Variants in GPHN observed in about 807,000 individuals in gnomAD.
GPHN encodes gephyrin.
In GPHN, 17 loss-of-function variants were observed where a neutral mutation model predicts 95.5. The ratio of observed to expected loss-of-function variants is 0.18; its 90% CI spans 0.12 to 0.27. The LOEUF is 0.27. Among genes scored for constraint, GPHN ranks in the 10% least tolerant of loss-of-function variants. The pLI, the probability that GPHN is intolerant of heterozygous loss-of-function variation, is 1.00. For synonymous variants in GPHN, 320 were observed against 322.5 expected (o/e 0.99, Z 0.08); for missense variants, 660 against 978.1 (o/e 0.67, Z 4.34).
At chr14:67,347,530 T>C in the GPHN span, 1 of 1,315,752 alleles carries the variant, frequency 7.6e-7, no homozygotes, top group Admixed American at 2.0e-5. Context: ...AGACGGAGTT[T>C]TGCTCTTGTC....
At chr14:66,670,221 G>T (rs1422692589) in intron 1 of GPHN, among the ~76,000 whole-genome samples, 4 of 152,080 alleles carry the variant, frequency 2.6e-5, no homozygotes. Context: ...GTTAGTTTTG[G>T]CTCCCTGGTA....
At chr14:67,402,117 G>A in the GPHN span, among the ~76,000 whole-genome samples, 1 of 152,304 alleles carries the variant, frequency 6.6e-6, no homozygotes, top group African/African-American at 2.4e-5. Context: ...CTGGGTGACA[G>A]AGGAAGAGTC....
At chr14:66,674,388 C>T (rs2066472648) in intron 1 of GPHN, among the ~76,000 whole-genome samples, 2 of 151,998 alleles carry the variant, frequency 1.3e-5, no homozygotes, top group African/African-American at 4.8e-5. Context: ...TGAGCCACTG[C>T]GCCTGGTCCT....
chr14:66,594,654 A>G (rs1049561751), intron 1 of GPHN, among the ~76,000 whole-genome samples: 17 of 152,222 alleles, frequency 1.1e-4, no homozygotes, highest in Admixed American at 2.0e-4. Context: ...CACATCATAT[A>G]TATATAAATC....
chr14:67,363,638 A>G, the GPHN span, among the ~76,000 whole-genome samples: 3 of 152,180 alleles, frequency 2.0e-5, no homozygotes, highest in African/African-American at 7.2e-5. Context: ...TTTTTAATCT[A>G]TAAAATGGGG....
At chr14:66,739,952 A>C (rs1317796439) in intron 2 of GPHN, among the ~76,000 whole-genome samples, 1 of 152,218 alleles carries the variant, frequency 6.6e-6, no homozygotes, top group Non-Finnish European at 1.5e-5. Context: ...TAGAAATTCT[A>C]GAATTGGAAA....
At chr14:66,829,237 A>G (rs1346060888) in intron 4 of GPHN, among the ~76,000 whole-genome samples, 1 of 151,596 alleles carries the variant, frequency 6.6e-6, no homozygotes, top group African/African-American at 2.4e-5. Flanking sequence ...ACAGGCGTGC[A>G]CCACCAAGCC....
At chr14:66,640,976 C>G (rs558734941) in intron 1 of GPHN, among the ~76,000 whole-genome samples, 1 of 152,178 alleles carries the variant, frequency 6.6e-6, no homozygotes, top group Non-Finnish European at 1.5e-5. Flanking sequence ...CTGTATAAAA[C>G]AAGTAAACCC....
intron 1 of GPHN, among the ~76,000 whole-genome samples, chr14:66,614,634 G>GAAAT (rs201587690): frequency 0.019 from 2,843 of 147,996 alleles, 37 homozygotes; most frequent in Middle Eastern, 0.031. Flanking sequence ...AATTTGAATA[G>GAAAT]AAATGATAAT....
chr14:67,411,229 A>G, the GPHN span, among the ~76,000 whole-genome samples: 1 of 151,596 alleles, frequency 6.6e-6, no homozygotes, highest in Admixed American at 6.6e-5. Context: ...ATCTTCTACC[A>G]TAATCCCAGG....
At chr14:66,759,245 G>T (rs2058676144) in intron 2 of GPHN, among the ~76,000 whole-genome samples, 1 of 152,108 alleles carries the variant, frequency 6.6e-6, no homozygotes, top group Non-Finnish European at 1.5e-5. Flanking sequence ...GATAACTTGG[G>T]GTTCCTGGGT....
the GPHN span, among the ~76,000 whole-genome samples, chr14:67,242,692 T>C: frequency 6.6e-6 from 1 of 152,062 alleles, no homozygotes; most frequent in African/African-American, 2.4e-5. Flanking sequence ...GGCTTTCTAT[T>C]TGCGGCAGGA....
At chr14:67,324,553 CTTTT>C in the GPHN span, among the ~76,000 whole-genome samples, 2 of 151,836 alleles carry the variant, frequency 1.3e-5, no homozygotes, top group South Asian at 2.1e-4. Flanking sequence ...ACACTCCTTT[CTTTT>C]GATTGTTTTT....
At chr14:66,778,183 GACAA>G (rs2059457293) in intron 3 of GPHN, among the ~76,000 whole-genome samples, 1 of 152,016 alleles carries the variant, frequency 6.6e-6, no homozygotes, top group Admixed American at 6.5e-5. Context: ...ACCAATAACA[GACAA>G]ACAGAGAGCC....
intron 3 of GPHN, among the ~76,000 whole-genome samples, chr14:66,803,362 T>C (rs1358400358): frequency 6.6e-6 from 1 of 152,186 alleles, no homozygotes; most frequent in Non-Finnish European, 1.5e-5. Context: ...CTTTTAGCAA[T>C]ATGAAGTTAA....
At chr14:66,884,877 T>A (rs948388747) in intron 5 of GPHN, among the ~76,000 whole-genome samples, 1 of 150,716 alleles carries the variant, frequency 6.6e-6, no homozygotes, top group Non-Finnish European at 1.5e-5. Flanking sequence ...AGAAATTGAT[T>A]GCCAGTTTTC....
intron 2 of GPHN, among the ~76,000 whole-genome samples, chr14:66,723,092 G>T (rs888270169): frequency 1.3e-5 from 2 of 151,836 alleles, no homozygotes; most frequent in East Asian, 3.9e-4. Flanking sequence ...TCACTCTGTC[G>T]CCCAGGCTTG....
At chr14:66,875,597 G>A (rs2063620565) in intron 4 of GPHN, among the ~76,000 whole-genome samples, 1 of 151,988 alleles carries the variant, frequency 6.6e-6, no homozygotes, top group Admixed American at 6.6e-5. Context: ...AAAAAGCAGG[G>A]GTTGCAATCC....
At chr14:67,277,793 C>G in the GPHN span, among the ~76,000 whole-genome samples, 1 of 152,028 alleles carries the variant, frequency 6.6e-6, no homozygotes, top group African/African-American at 2.4e-5. Flanking sequence ...TATACATTAA[C>G]TCATGTGAAA....
Sources: allele counts gnomAD v4.1 joint callset (sites outside exome capture counted in the v4.1 genomes callset), GRCh38; gene constraint gnomAD v4.1.1; transcripts MANE v1.5; gene names NCBI Gene and HGNC (gene_info 2026-07-23, HGNC 2026-07-21).